Variants in MYO1F observed in about 807,000 individuals in gnomAD.
MYO1F encodes the protein myosin IF, also known as unconventional myosin-If.
In MYO1F, 60 loss-of-function variants were observed where a neutral mutation model predicts 146.6. The ratio of observed to expected loss-of-function variants is 0.41; its 90% CI spans 0.33 to 0.51. The LOEUF (loss-of-function observed/expected upper bound fraction) is 0.51, where lower values mean the gene tolerates loss of function less well. MYO1F is among the 20% of genes least tolerant of loss of function. MYO1F has a pLI of 0.25. For missense variants in MYO1F, 1,274 were observed against 1,534.3 expected, an observed-to-expected ratio of 0.83 and a Z score of 2.83; for synonymous variants, 602 against 602.1, an observed-to-expected ratio of 1.00 and a Z score of 0.00.
intron 27 of MYO1F, among the ~76,000 whole-genome samples, chr19:8,521,806 CTT>C (rs1408400626): frequency 3.3e-5 from 5 of 151,840 alleles, no homozygotes; most frequent in African/African-American, 1.2e-4. Context: ...CATTTCTACT[CTT>C]TAAAAGTTTT....
At position 8,539,954 on chromosome 19, in the gene MYO1F, T is replaced by C. The variant is rs1400271754; in HGVS notation, c.1685A>G (p.Lys562Arg). The change falls in exon 16 of 28, where the codon AAG (lysine) becomes AGG (arginine). Residue 562 changes from lysine (K) to arginine (R), a missense_variant. Transcript: ENST00000644032. Reference sequence around the variant, plus strand: ...TGTACACCCCAGGCCCACCTTGATCTTGGAGCCGGCGGTGCTGGGGCGCCC... The same window carrying C: ...TGTACACCCCAGGCCCACCTTGATCCTGGAGCCGGCGGTGCTGGGGCGCCC... The part of the protein sequence containing the change: ...KKGRPSTAGS[K>R]IKKQANDLVA... The C allele has an allele frequency of 6.2e-7, 1 of 1,612,534 alleles. No individual in the cohort carries two copies. Among genetic ancestry groups the C allele is most frequent in the South Asian group, 1.1e-5 (1 of 90,912 alleles).
At position 8,548,107 on chromosome 19, in the gene MYO1F, G is replaced by T; in HGVS notation, c.1198C>A (p.Gln400Lys). ...FEIFQKNGFE[Q>K]FCINFVNEKL... ...TCATTGACGAAGTTGATGCAAAACTGCTCGAAGCCATTTTTCTGCAGAAGG... is the reference window on the plus strand; with the variant it reads ...TCATTGACGAAGTTGATGCAAAACTTCTCGAAGCCATTTTTCTGCAGAAGG... Residue 400 changes from glutamine to lysine, a missense_variant, in exon 12 of 28, where the codon CAG becomes AAG. By Grantham distance (53) the Gln-to-Lys change is moderately conservative. Transcript: ENST00000644032. 6.2e-7 allele frequency: 1 copy of T among 1,613,570 alleles called. No individual in the cohort carries two copies.
intron 12 of MYO1F, 92 bp downstream of exon 12, chr19:8,547,944 T>TG: frequency 7.9e-7 from 1 of 1,266,194 alleles, no homozygotes; most frequent in Non-Finnish European, 1.1e-6. Context: ...TGGGGAGGGC[T>TG]GGGGTGTCCC....
Position 8,527,397 on chromosome 19 carries a change from C to T in MYO1F, c.2415G>A (p.Gln805=), listed in dbSNP as rs1210733475. ...EKVKKGPEKG[Q]VCEVLKKKVD... is the part of the protein sequence containing the mutation. ...CTTTCTTCTTCAAGACTTCACACAC[C>T]TGGCCCTTCTCAGGTCCCTTCTTCA... The change falls in exon 22 of 28, where the codon CAG becomes CAA. Residue 805 remains glutamine (Q), a synonymous_variant. Transcript: ENST00000644032. The T allele has an allele frequency of 1.7e-5, 28 of 1,614,164 alleles. No individual in the cohort carries two copies. The highest frequency in any genetic ancestry group is 2.2e-5 in the Non-Finnish European group (26 of 1,180,030).
At chr19:8,525,233 AC>A (rs1425312685) in intron 25 of MYO1F, 1 of 325,106 alleles carries the variant, frequency 3.1e-6, no homozygotes, top group African/African-American at 2.3e-5. Context: ...GATGTAGTTT[AC>A]AGGGCAGGAG....
intron 4 of MYO1F, among the ~76,000 whole-genome samples, chr19:8,553,737 T>G (rs1198905679): frequency 6.6e-6 from 1 of 151,542 alleles, no homozygotes; most frequent in African/African-American, 2.4e-5. Flanking sequence ...CCGGACATGG[T>G]GGTGGGCGCC....
intron 25 of MYO1F, 96 bp downstream of exon 25, chr19:8,525,382 TA>T: frequency 9.7e-7 from 1 of 1,035,140 alleles, no homozygotes; most frequent in Non-Finnish European, 1.5e-6. Context: ...AAGTGAGTGG[TA>T]AACTGTGTTT....
intron 1 of MYO1F, among the ~76,000 whole-genome samples, chr19:8,576,112 T>G (rs1317388869): frequency 6.6e-6 from 1 of 152,234 alleles, no homozygotes; most frequent in African/African-American, 2.4e-5. Flanking sequence ...TTCTCTTGCC[T>G]CAGCCTCATA....
chr19:8,528,975 A>G (rs963217660), intron 21 of MYO1F, among the ~76,000 whole-genome samples: 12 of 152,120 alleles, frequency 7.9e-5, no homozygotes, highest in Admixed American at 6.6e-4. Flanking sequence ...TGTCTCAGTG[A>G]AAACATTTAA....
intron 23 of MYO1F, 24 bp downstream of exon 23, chr19:8,526,765 G>A: frequency 1.3e-6 from 2 of 1,595,996 alleles, no homozygotes; most frequent in Non-Finnish European, 1.7e-6. Context: ...CCCCGAGATG[G>A]TGCTGGGGTT....
Position 8,571,321 on chromosome 19 carries a change from G to A in MYO1F, c.3+5986C>T, listed in dbSNP as rs566903364. 3.9e-5 allele frequency among the ~76,000 whole-genome samples: 6 copies of A among 152,276 alleles called. No homozygotes were observed. The East Asian group carries it at 5.8e-4, about 15-fold the overall frequency. Reference sequence around the variant, plus strand: ...GTGGGGCTCTGGGGCCACACCCTGCGTCCATGCACTGTGCAAACAACATTC... The same window carrying A: ...GTGGGGCTCTGGGGCCACACCCTGCATCCATGCACTGTGCAAACAACATTC... On this transcript the variant is annotated intron_variant, in intron 1 of 27. Transcript: ENST00000644032.
chr19:8,532,630 T>TA (rs1215204925), intron 19 of MYO1F, among the ~76,000 whole-genome samples: 1 of 152,050 alleles, frequency 6.6e-6, no homozygotes, highest in Non-Finnish European at 1.5e-5. Flanking sequence ...CTCATGCCTC[T>TA]AATCCCAGCA....
chr19:8,571,757 C>T lies in MYO1F; in HGVS notation c.3+5550G>A, dbSNP rs374852707. Among the ~76,000 whole-genome samples, 1,007 of 152,172 alleles carry T rather than the reference C, an allele frequency of 6.6e-3. 22 individuals carry two copies. Among genetic ancestry groups the T allele is most frequent in the African/African-American group, 0.023 (966 of 41,506 alleles). ...GGACTACAGGCACCCGCCACCACGCCTGGGTAATTTTTTGTATTTTTAGTA... is the reference window on the plus strand; with the variant it reads ...GGACTACAGGCACCCGCCACCACGCTTGGGTAATTTTTTGTATTTTTAGTA... On this transcript the variant is annotated intron_variant, in intron 1 of 27. Transcript: ENST00000644032.
chr19:8,525,387 T>C, intron 25 of MYO1F, 92 bp downstream of exon 25: 1 of 1,075,050 alleles, frequency 9.3e-7, no homozygotes, highest in Non-Finnish European at 1.4e-6. Flanking sequence ...AGTGGTAAAC[T>C]GTGTTTGTTA....
Position 8,553,395 on chromosome 19 carries a change from G to T in MYO1F, c.369C>A (p.Ile123=). Residue 123 remains isoleucine, a synonymous_variant, in exon 5 of 28, where the codon ATC becomes ATA. Coordinates refer to ENST00000644032, the MANE Select transcript of MYO1F (RefSeq NM_012335.4). ...CAGACACCTTGGAGATGTAGCCCAT[G>T]ATATATTTGGCTGCCACTGTCTTCC... ...GAGKTVAAKY[I]MGYISKVSGG... 1.2e-6 allele frequency: 2 copies of T among 1,614,114 alleles called. No homozygotes were observed. The highest frequency in any genetic ancestry group is 8.5e-7 in the Non-Finnish European group (1 of 1,180,010).
At chr19:8,527,601 C>T in intron 21 of MYO1F, 118 bp from the exon 22 acceptor site, 1 of 1,280,472 alleles carries the variant, frequency 7.8e-7, no homozygotes, top group Non-Finnish European at 1.1e-6. Context: ...GGGAGCCCTC[C>T]AGGTGAAGGT....
At chr19:8,529,774 G>A in intron 21 of MYO1F, 1 of 338,656 alleles carries the variant, frequency 3.0e-6, no homozygotes, top group Non-Finnish European at 5.7e-6. Flanking sequence ...CATGTTTGAT[G>A]GACAGCTGTG....
intron 21 of MYO1F, among the ~76,000 whole-genome samples, chr19:8,529,443 T>C (rs1026427957): frequency 6.6e-5 from 10 of 151,942 alleles, no homozygotes; most frequent in African/African-American, 2.2e-4. Flanking sequence ...GATGTGTCTG[T>C]TGGTGGAGGT....
chr19:8,549,845 G>A, intron 10 of MYO1F: 1 of 448,404 alleles, frequency 2.2e-6, no homozygotes, highest in East Asian at 4.5e-5. Context: ...CTGTCACCCA[G>A]GCTGGAGTAC....
Sources: allele counts gnomAD v4.1 joint callset (sites outside exome capture counted in the v4.1 genomes callset), GRCh38; gene constraint gnomAD v4.1.1; transcripts MANE v1.5; gene names NCBI Gene and HGNC (gene_info 2026-07-23, HGNC 2026-07-21).